Variants in P2RY14 observed in about 807,000 individuals in gnomAD.
The protein encoded by P2RY14 is purinergic receptor P2Y14, also known as P2Y purinoceptor 14.
P2RY14 carries 2 observed loss-of-function variants against 0.9 expected under a neutral mutation model. The ratio of observed to expected loss-of-function variants is 2.16; its 90% confidence interval spans 0.88 to 6.79. P2RY14 has a LOEUF of 6.79. Among genes scored for constraint, P2RY14 ranks in the 30% most tolerant of loss-of-function variants. The probability of loss-of-function intolerance (pLI) is 0.05; values close to 1 mark genes in which losing one functional copy is unlikely to be tolerated. For missense variants in P2RY14, 378 were observed against 400.1 expected, an observed-to-expected ratio of 0.94 and a Z score of 0.47; for synonymous variants, 158 against 147.2, an observed-to-expected ratio of 1.07 and a Z score of -0.53.
chr3:151,254,594 G>A (rs919157819), intron 1 of P2RY14, among the ~76,000 whole-genome samples: 3 of 152,136 alleles, frequency 2.0e-5, no homozygotes, highest in South Asian at 2.1e-4. Flanking sequence ...TTAGCTATAC[G>A]TGTATGTGTA....
At chr3:151,232,969 TC>T (rs1204578896) in intron 1 of P2RY14, among the ~76,000 whole-genome samples, 2 of 152,232 alleles carry the variant, frequency 1.3e-5, no homozygotes, top group African/African-American at 2.4e-5. Flanking sequence ...AACAAAATTT[TC>T]TTTTCACCTT....
intron 1 of P2RY14, among the ~76,000 whole-genome samples, chr3:151,252,623 G>A (rs1203304803): frequency 6.6e-6 from 1 of 152,050 alleles, no homozygotes; most frequent in Non-Finnish European, 1.5e-5. Context: ...TTCTAAACAT[G>A]TTCATAAAGG....
intron 1 of P2RY14, among the ~76,000 whole-genome samples, chr3:151,243,607 C>T (rs1734716907): frequency 6.6e-6 from 1 of 151,712 alleles, no homozygotes; most frequent in Non-Finnish European, 1.5e-5. Flanking sequence ...AAAAGAGCTC[C>T]TGAAGGAAGC....
chr3:151,227,376 G>A (rs1296426808), intron 1 of P2RY14, among the ~76,000 whole-genome samples: 2 of 152,168 alleles, frequency 1.3e-5, no homozygotes, highest in South Asian at 4.1e-4. Flanking sequence ...CTGAATTTCT[G>A]CTACAAACAG....
rs1015471727 is a variant in P2RY14 at position 151,219,534 on chromosome 3, C to G, written c.-25+1G>C. ...AATACTTGAGGGATTTAAAAAATTACCTTTTAAGATTTTTTTTGCATAATA... is the reference window on the plus strand; with the variant it reads ...AATACTTGAGGGATTTAAAAAATTAGCTTTTAAGATTTTTTTTGCATAATA... On this transcript the variant is annotated splice_donor_variant, in intron 2 of 2. Coordinates refer to ENST00000309170, the MANE Select transcript of P2RY14 (RefSeq NM_014879.4). LOFTEE classifies it low-confidence loss of function (5UTR_SPLICE). 1 of 152,104 alleles carries G rather than the reference C, an allele frequency of 6.6e-6. No individual in the cohort carries two copies. The highest frequency in any genetic ancestry group is 1.5e-5 in the Non-Finnish European group (1 of 68,028). The allele number at this position is 152,104 out of a possible 1,614,324, so 9.4% of individuals were successfully genotyped here. A position where few individuals can be genotyped will look rare whatever the true frequency, so the allele number is the denominator to read the frequency against.
At chr3:151,238,736 T>C (rs999115607) in intron 1 of P2RY14, among the ~76,000 whole-genome samples, 3 of 152,226 alleles carry the variant, frequency 2.0e-5, no homozygotes, top group Admixed American at 6.5e-5. Context: ...AATAAAGCAA[T>C]ACTAGTTTTT....
At chr3:151,219,873 T>C (rs1245000030) in intron 1 of P2RY14, among the ~76,000 whole-genome samples, 1 of 142,142 alleles carries the variant, frequency 7.0e-6, no homozygotes, top group Non-Finnish European at 1.5e-5. Context: ...GAAGTGGTTT[T>C]GGTTATTGGT....
chr3:151,264,773 G>GTGTA (rs1322890909), intron 1 of P2RY14, among the ~76,000 whole-genome samples: 1 of 152,110 alleles, frequency 6.6e-6, no homozygotes, highest in East Asian at 1.9e-4. Context: ...GTGCGTGTGT[G>GTGTA]TGTATGTGTG....
At chr3:151,256,851 T>C (rs1319720234) in intron 1 of P2RY14, among the ~76,000 whole-genome samples, 1 of 150,928 alleles carries the variant, frequency 6.6e-6, no homozygotes, top group African/African-American at 2.4e-5. Context: ...TGACAGAGGT[T>C]TTTTTTTTGT....
chr3:151,235,220 GAGC>G (rs1382218314), intron 1 of P2RY14, among the ~76,000 whole-genome samples: 2 of 152,218 alleles, frequency 1.3e-5, no homozygotes, highest in Non-Finnish European at 2.9e-5. Flanking sequence ...GCAGAACTCT[GAGC>G]AGGTGCATGT....
At chr3:151,236,876 T>G (rs1406449856) in intron 1 of P2RY14, among the ~76,000 whole-genome samples, 3 of 152,116 alleles carry the variant, frequency 2.0e-5, no homozygotes, top group African/African-American at 7.2e-5. Flanking sequence ...TAATTCAGTT[T>G]CTTGTATTTG....
intron 1 of P2RY14, among the ~76,000 whole-genome samples, chr3:151,238,556 T>C (rs1733402786): frequency 6.6e-6 from 1 of 152,242 alleles, no homozygotes; most frequent in African/African-American, 2.4e-5. Context: ...AAGATGTTGC[T>C]ATTTTCATCG....
chr3:151,273,622 T>C (rs548642609), intron 1 of P2RY14, among the ~76,000 whole-genome samples: 33 of 152,222 alleles, frequency 2.2e-4, no homozygotes, highest in Middle Eastern at 3.4e-3. Flanking sequence ...GTAAGGAAAA[T>C]GAGGCATAGA....
At chr3:151,232,518 C>A (rs771754151) in intron 1 of P2RY14, among the ~76,000 whole-genome samples, 4 of 152,122 alleles carry the variant, frequency 2.6e-5, no homozygotes, top group Non-Finnish European at 5.9e-5. Context: ...TTCATAATAG[C>A]AAAGACATGG....
Position 151,213,256 on chromosome 3 carries a change from T to A in P2RY14, c.*44A>T, listed in dbSNP as rs201740627. ...TTGATTTCTGTTATGTAATTGAAGATGACAACATGCACACGTGGTCTTTCT... is the reference window on the plus strand; with the variant it reads ...TTGATTTCTGTTATGTAATTGAAGAAGACAACATGCACACGTGGTCTTTCT... On this transcript the variant is annotated 3_prime_UTR_variant, in exon 3 of 3. Coordinates refer to ENST00000309170, the MANE Select transcript of P2RY14 (RefSeq NM_014879.4). 4 of 1,434,144 alleles carry A rather than the reference T, an allele frequency of 2.8e-6. No individual in the cohort carries two copies. In the East Asian group the frequency reaches 9.1e-5, roughly 33 times the overall value. 88.8% of individuals were successfully genotyped at this position (1,434,144 alleles called of 1,614,324 possible).
intron 1 of P2RY14, among the ~76,000 whole-genome samples, chr3:151,226,627 A>G (rs1269609143): frequency 6.6e-6 from 1 of 152,028 alleles, no homozygotes; most frequent in East Asian, 1.9e-4. Context: ...TTTTTCAAGA[A>G]AGGAATGTGC....
In P2RY14 at chr3:151,212,888, GTGTTGAAAACAA is replaced by G. The variant is rs2149216653; in HGVS notation, c.*400_*411del. On this transcript the variant is annotated 3_prime_UTR_variant, in exon 3 of 3. Coordinates refer to ENST00000309170, the MANE Select transcript of P2RY14 (RefSeq NM_014879.4). The stretch of plus-strand genomic sequence containing the variant: ...GCTTTCAAGTTAGTCTTTAAGGACA[GTGTTGAAAACAA>G]TTACATACTAGATTCTGGTATTTAG... 1 of 152,724 alleles carries G rather than the reference GTGTTGAAAACAA, an allele frequency of 6.5e-6. No homozygotes were observed. Among genetic ancestry groups the G allele is most frequent in the South Asian group, 2.1e-4 (1 of 4,826 alleles). 9.5% of individuals were successfully genotyped at this position (152,724 alleles called of 1,614,324 possible).
intron 1 of P2RY14, among the ~76,000 whole-genome samples, chr3:151,266,269 T>G (rs1393501793): frequency 6.6e-6 from 1 of 152,200 alleles, no homozygotes; most frequent in Non-Finnish European, 1.5e-5. Context: ...CATCTTCTAT[T>G]AAAATGAGAA....
intron 1 of P2RY14, among the ~76,000 whole-genome samples, chr3:151,241,528 T>C (rs1321697576): frequency 1.3e-5 from 2 of 152,152 alleles, no homozygotes; most frequent in Non-Finnish European, 2.9e-5. Flanking sequence ...TGGACTGATG[T>C]GGAGAGATGC....
Sources: allele counts gnomAD v4.1 joint callset (sites outside exome capture counted in the v4.1 genomes callset), GRCh38; gene constraint gnomAD v4.1.1; transcripts MANE v1.5; gene names NCBI Gene and HGNC (gene_info 2026-07-23, HGNC 2026-07-21).